Variants in HHAT observed in about 807,000 individuals in gnomAD.
HHAT encodes hedgehog acyltransferase.
In HHAT, 47 loss-of-function variants were observed where a neutral mutation model predicts 70.8. That is an observed-to-expected ratio of 0.66 (90% CI 0.53 to 0.85). HHAT has a LOEUF of 0.85. Ranked by LOEUF, HHAT falls within the 40% of genes least tolerant of loss-of-function variation. The pLI, the probability that HHAT is intolerant of heterozygous loss-of-function variation, is 0.00. For synonymous variants in HHAT, 228 were observed against 247.6 expected, an observed-to-expected ratio of 0.92 and a Z score of 0.74; for missense variants, 609 against 604.8, an observed-to-expected ratio of 1.01 and a Z score of -0.07.
chr1:210,485,930 C>T (rs1302190771), intron 8 of HHAT, among the ~76,000 whole-genome samples: 3 of 152,026 alleles, frequency 2.0e-5, no homozygotes, highest in Admixed American at 6.5e-5. Context: ...TTCCAAAGGG[C>T]GTCTGATAGG....
chr1:210,544,056 G>A (rs2095457994), intron 9 of HHAT, among the ~76,000 whole-genome samples: 1 of 152,122 alleles, frequency 6.6e-6, no homozygotes, highest in African/African-American at 2.4e-5. Context: ...TCTGTTTCGG[G>A]GTCTTTGGCC....
rs1324452281 is a variant in HHAT at position 210,386,230 on chromosome 1, C to CTTTCTTTTTTTTTTTTTTTTT, written c.160-1235_160-1234insCTTTTTTTTTTTTTTTTTTTT. 1.5e-3 allele frequency among the ~76,000 whole-genome samples: 104 copies of CTTTCTTTTTTTTTTTTTTTTT among 69,918 alleles called. 11 individuals carry two copies. The highest frequency in any genetic ancestry group is 2.5e-3 in the South Asian group (4 of 1,578). 45.9% of individuals were successfully genotyped at this position (69,918 alleles called of 152,430 possible). A position where few individuals can be genotyped will look rare whatever the true frequency, so the allele number is the denominator to read the frequency against. Reference sequence around the variant, plus strand: ...ATTGCAGGAGTCCTTTTCTTTTTTTCTTTTTTTTTTTTTTTTTTTTTTTTT... The same window carrying CTTTCTTTTTTTTTTTTTTTTT: ...ATTGCAGGAGTCCTTTTCTTTTTTTCTTTCTTTTTTTTTTTTTTTTTTTTTTTTTTTTTTTTTTTTTTTTTT... On this transcript the variant is annotated intron_variant, in intron 3 of 11. Coordinates refer to ENST00000261458, the MANE Select transcript of HHAT (RefSeq NM_018194.6).
At chr1:210,429,403 A>G (rs1279074012) in intron 7 of HHAT, among the ~76,000 whole-genome samples, 1 of 151,822 alleles carries the variant, frequency 6.6e-6, no homozygotes, top group Non-Finnish European at 1.5e-5. Flanking sequence ...TTCGATCTAG[A>G]ATAGTTCAAC....
intron 3 of HHAT, among the ~76,000 whole-genome samples, chr1:210,375,414 C>A (rs1246841797): frequency 1.3e-5 from 2 of 152,160 alleles, no homozygotes; most frequent in Admixed American, 6.5e-5. Context: ...ACTTTATCTG[C>A]CATTGGTAGA....
chr1:210,519,314 G>A (rs547053251), intron 9 of HHAT, among the ~76,000 whole-genome samples: 28 of 152,216 alleles, frequency 1.8e-4, no homozygotes, highest in Non-Finnish European at 3.5e-4. Flanking sequence ...AGTAAACATG[G>A]GAGTGCAGAT....
At chr1:210,433,076 C>T (rs2093290783) in intron 7 of HHAT, among the ~76,000 whole-genome samples, 1 of 151,694 alleles carries the variant, frequency 6.6e-6, no homozygotes, top group African/African-American at 2.4e-5. Flanking sequence ...CTTTGTCTTA[C>T]ATGGAAGAAG....
intron 9 of HHAT, among the ~76,000 whole-genome samples, chr1:210,553,031 G>A (rs555937028): frequency 6.6e-6 from 1 of 152,272 alleles, no homozygotes; most frequent in East Asian, 1.9e-4. Flanking sequence ...CCATTCAGGT[G>A]ACTCTACCCC....
At chr1:210,416,900 T>G (rs1248034737) in intron 6 of HHAT, among the ~76,000 whole-genome samples, 1 of 152,158 alleles carries the variant, frequency 6.6e-6, no homozygotes, top group Non-Finnish European at 1.5e-5. Flanking sequence ...CACAACAATG[T>G]TTTTTACTTT....
chr1:210,511,780 C>CTTTTTTTT (rs201825628), intron 8 of HHAT, among the ~76,000 whole-genome samples: 1 of 88,456 alleles, frequency 1.1e-5, no homozygotes, highest in Non-Finnish European at 2.3e-5. Flanking sequence ...GCCGCCTGGT[C>CTTTTTTTT]TTTTTTTTTT....
chr1:210,553,832 T>G (rs1000766077), intron 9 of HHAT, among the ~76,000 whole-genome samples: 1 of 152,130 alleles, frequency 6.6e-6, no homozygotes. Flanking sequence ...CCCTGTATGG[T>G]TTGCTGGGCC....
At chr1:210,478,772 T>C (rs1383918407) in intron 8 of HHAT, among the ~76,000 whole-genome samples, 1 of 152,160 alleles carries the variant, frequency 6.6e-6, no homozygotes, top group African/African-American at 2.4e-5. Context: ...TTGTGTGAGT[T>C]TGTCATATAT....
chr1:210,397,887 C>T (rs1413395661), intron 4 of HHAT, among the ~76,000 whole-genome samples: 1 of 152,192 alleles, frequency 6.6e-6, no homozygotes, highest in African/African-American at 2.4e-5. Flanking sequence ...CGTGGTTGGG[C>T]AGCTGTGCCC....
chr1:210,423,160 G>A (rs1034871541), intron 7 of HHAT, among the ~76,000 whole-genome samples: 2 of 152,020 alleles, frequency 1.3e-5, no homozygotes, highest in Non-Finnish European at 2.9e-5. Context: ...TCCCCATAGC[G>A]GCTATACTAG....
At chr1:210,555,015 T>G (rs1487219530) in intron 9 of HHAT, among the ~76,000 whole-genome samples, 2 of 152,092 alleles carry the variant, frequency 1.3e-5, no homozygotes, top group African/African-American at 4.8e-5. Flanking sequence ...ATATTGGGCC[T>G]CCCGTGATAG....
Position 210,400,625 on chromosome 1 carries a change from T to C in HHAT, c.431T>C (p.Leu144Pro). The part of the protein sequence containing the change: ...LLTWLCSLLL[L>P]STLRLQGVEE... ...ACGTGGCTCTGTTCTCTCCTCCTCC[T>C]CTCCACACTGAGGCTGCAGGGTGTG... Residue 144 changes from leucine (L) to proline (P), a missense_variant, in exon 5 of 12, where the codon CTC becomes CCC. Leu to Pro is a moderately conservative substitution (Grantham distance 98, BLOSUM62 -3). Coordinates refer to ENST00000261458, the MANE Select transcript of HHAT (RefSeq NM_018194.6). 6.2e-7 allele frequency: 1 copy of C among 1,613,966 alleles called. No homozygotes were observed. Among genetic ancestry groups the C allele is most frequent in the South Asian group, 1.1e-5 (1 of 91,038 alleles).
chr1:210,374,106 T>A (rs745511566), intron 3 of HHAT: 2 of 150,074 alleles, frequency 1.3e-5, no homozygotes, highest in African/African-American at 4.8e-5. Context: ...AAGCCTAAAG[T>A]TGCACCATAA....
intron 7 of HHAT, among the ~76,000 whole-genome samples, chr1:210,419,201 T>C (rs2092818007): frequency 6.6e-6 from 1 of 152,184 alleles, no homozygotes; most frequent in Non-Finnish European, 1.5e-5. Flanking sequence ...TAGGCAGCGC[T>C]GCACATTGAG....
chr1:210,353,367 C>T (rs1223579147), intron 2 of HHAT, among the ~76,000 whole-genome samples: 1 of 150,832 alleles, frequency 6.6e-6, no homozygotes, highest in Non-Finnish European at 1.5e-5. Context: ...CAATTTAATG[C>T]AATATTCGGA....
intron 9 of HHAT, among the ~76,000 whole-genome samples, chr1:210,522,272 A>T (rs1186708768): frequency 6.6e-6 from 1 of 152,208 alleles, no homozygotes; most frequent in Non-Finnish European, 1.5e-5. Context: ...GGTATCTTTT[A>T]TCCCTGCCTG....
Sources: allele counts gnomAD v4.1 joint callset (sites outside exome capture counted in the v4.1 genomes callset), GRCh38; gene constraint gnomAD v4.1.1; transcripts MANE v1.5; gene names NCBI Gene and HGNC (gene_info 2026-07-23, HGNC 2026-07-21).